ABHD3: variants seen among roughly 807,000 people sequenced by gnomAD.
ABHD3 encodes abhydrolase domain containing 3, phospholipase.
A neutral mutation model predicts 48.8 loss-of-function variants in ABHD3; 46 were observed. The ratio of observed to expected loss-of-function variants is 0.94; its 90% CI spans 0.74 to 1.20. The LOEUF (loss-of-function observed/expected upper bound fraction) is 1.20. Ranked by LOEUF, ABHD3 falls within the 50% of genes most tolerant of loss-of-function variation. ABHD3 has a pLI of 0.00. For missense variants in ABHD3, 490 were observed against 497.8 expected, an observed-to-expected ratio of 0.98 and a Z score of 0.15; for synonymous variants, 192 against 183.7, an observed-to-expected ratio of 1.04 and a Z score of -0.36.
chr18:21,679,000 CAT>C (rs2039949886), intron 4 of ABHD3, among the ~76,000 whole-genome samples: 2 of 152,316 alleles, frequency 1.3e-5, no homozygotes, highest in South Asian at 4.1e-4. Context: ...ATATCTCTAA[CAT>C]TGCCACTCCT....
At position 21,657,109 on chromosome 18, in the gene ABHD3, T is replaced by C. The variant is rs1598508933; in HGVS notation, c.886A>G (p.Met296Val). Residue 296 changes from methionine (M) to valine (V), a missense_variant, in exon 7 of 9, where the codon ATG becomes GTG. Transcript: ENST00000289119. ...ACATAAAGTTTCTCTCCTACCTTCATGACATGATCCATATCAACTTGTTTT... is the reference window on the plus strand; with the variant it reads ...ACATAAAGTTTCTCTCCTACCTTCACGACATGATCCATATCAACTTGTTTT... ...FVKQVDMDHVMKAKSIREFDK... is the reference protein window; with the variant it reads ...FVKQVDMDHVVKAKSIREFDK... 1 of 1,613,542 alleles carries C rather than the reference T, an allele frequency of 6.2e-7. No individual in the cohort carries two copies. The highest frequency in any genetic ancestry group is 1.3e-5 in the African/African-American group (1 of 74,896).
intron 2 of ABHD3, 90 bp from the exon 3 acceptor site, chr18:21,702,588 T>A: frequency 9.3e-6 from 11 of 1,180,162 alleles, no homozygotes; most frequent in Non-Finnish European, 1.3e-5. Flanking sequence ...TATTTGCTCA[T>A]CAAAAAATAA....
intron 3 of ABHD3, among the ~76,000 whole-genome samples, chr18:21,690,208 C>A (rs999848171): frequency 2.6e-5 from 4 of 151,602 alleles, no homozygotes; most frequent in South Asian, 2.1e-4. Flanking sequence ...ATAAAAAATT[C>A]ACTGGATTTG....
intron 5 of ABHD3, among the ~76,000 whole-genome samples, chr18:21,663,466 A>G (rs1598517371): frequency 2.0e-5 from 3 of 151,870 alleles, no homozygotes; most frequent in Admixed American, 2.0e-4. Flanking sequence ...GAACAACCAA[A>G]AAAAAAAACC....
chr18:21,676,135 T>C (rs1158755819), intron 4 of ABHD3, among the ~76,000 whole-genome samples: 2 of 152,116 alleles, frequency 1.3e-5, no homozygotes, highest in Non-Finnish European at 2.9e-5. Flanking sequence ...GGCTTCAACA[T>C]ATGAATGCTG....
intron 3 of ABHD3, among the ~76,000 whole-genome samples, chr18:21,698,646 G>T (rs1568164656): frequency 6.7e-6 from 1 of 149,928 alleles, no homozygotes; most frequent in African/African-American, 2.5e-5. Context: ...CAACCATCTC[G>T]GCCCACTGCA....
intron 5 of ABHD3, among the ~76,000 whole-genome samples, chr18:21,659,759 C>A (rs576616808): frequency 6.6e-6 from 1 of 151,982 alleles, no homozygotes; most frequent in Admixed American, 6.6e-5. Flanking sequence ...ACCTCCACCC[C>A]CCTGGTTCAA....
At chr18:21,699,356 G>A (rs771336956) in intron 3 of ABHD3, among the ~76,000 whole-genome samples, 2 of 152,136 alleles carry the variant, frequency 1.3e-5, no homozygotes, top group African/African-American at 2.4e-5. Flanking sequence ...AACACATTCC[G>A]TCATATTACA....
intron 5 of ABHD3, among the ~76,000 whole-genome samples, chr18:21,661,267 ATAG>A (rs759333935): frequency 1.3e-5 from 2 of 152,166 alleles, no homozygotes; most frequent in Non-Finnish European, 2.9e-5. Flanking sequence ...ATACTGTATG[ATAG>A]TTTGAAATTA....
chr18:21,693,880 T>G (rs1390014105), intron 3 of ABHD3, among the ~76,000 whole-genome samples: 2 of 152,164 alleles, frequency 1.3e-5, no homozygotes, highest in East Asian at 3.9e-4. Flanking sequence ...GAAAGCGTGG[T>G]CAGAACTAAC....
intron 4 of ABHD3, among the ~76,000 whole-genome samples, chr18:21,666,083 G>T (rs1477562748): frequency 1.3e-5 from 2 of 151,844 alleles, no homozygotes; most frequent in African/African-American, 4.8e-5. Context: ...CCAGGCTGGG[G>T]TGCAGTGGCA....
chr18:21,674,799 A>G (rs966866944), intron 4 of ABHD3, among the ~76,000 whole-genome samples: 4 of 152,110 alleles, frequency 2.6e-5, no homozygotes, highest in Non-Finnish European at 5.9e-5. Context: ...CTGAAGGTAG[A>G]AGTTTGAAAC....
chr18:21,683,099 CTTAT>C (rs1209441260), intron 4 of ABHD3: 5 of 152,568 alleles, frequency 3.3e-5, no homozygotes, highest in Non-Finnish European at 7.3e-5. Context: ...TCCAGCATGA[CTTAT>C]TTATAGTCTT....
chr18:21,669,705 A>T (rs916857488), intron 4 of ABHD3, among the ~76,000 whole-genome samples: 6 of 152,000 alleles, frequency 3.9e-5, no homozygotes, highest in Non-Finnish European at 8.8e-5. Context: ...CTAACTTCCC[A>T]TTTCCCTATA....
intron 1 of ABHD3, 38 bp from the exon 2 acceptor site, chr18:21,703,785 A>T: frequency 6.3e-7 from 1 of 1,591,712 alleles, no homozygotes; most frequent in Non-Finnish European, 8.6e-7. Flanking sequence ...GGCCCAGAGC[A>T]AAGTTTCTGC....
chr18:21,664,101 GA>G lies in ABHD3; in HGVS notation c.668+16del. 2 of 1,597,482 alleles carry G rather than the reference GA, an allele frequency of 1.3e-6. No individual in the cohort carries two copies. The highest frequency in any genetic ancestry group is 1.8e-5 in the Admixed American group (1 of 54,562). ...AGCTTCCCTCTCAGAGATTATTTTAGAAAGGGAAAACCTTACCCTCCCATTG... is the reference window on the plus strand; with the variant it reads ...AGCTTCCCTCTCAGAGATTATTTTAGAAGGGAAAACCTTACCCTCCCATTG... On this transcript the variant is annotated intron_variant, in intron 5 of 8. Coordinates refer to ENST00000289119, the MANE Select transcript of ABHD3 (RefSeq NM_138340.5).
chr18:21,692,066 T>C (rs562128975), intron 3 of ABHD3, among the ~76,000 whole-genome samples: 5 of 152,258 alleles, frequency 3.3e-5, no homozygotes, highest in African/African-American at 9.6e-5. Context: ...TCTTTTGCCT[T>C]AGCCTCCCAA....
intron 8 of ABHD3, among the ~76,000 whole-genome samples, chr18:21,652,334 A>C (rs1239535813): frequency 6.6e-6 from 1 of 152,130 alleles, no homozygotes; most frequent in East Asian, 1.9e-4. Context: ...CTTGAAAGAA[A>C]GAAAAGAAAG....
At chr18:21,692,962 G>A (rs963651899) in intron 3 of ABHD3, among the ~76,000 whole-genome samples, 1 of 152,198 alleles carries the variant, frequency 6.6e-6, no homozygotes, top group Non-Finnish European at 1.5e-5. Flanking sequence ...CAAACTCAGA[G>A]ACATGGATTA....
Sources: gnomAD v4.1 joint callset for allele counts (sites outside exome capture counted in the v4.1 genomes callset) on GRCh38, gnomAD v4.1.1 for gene constraint, MANE v1.5 for transcripts, NCBI Gene and HGNC (gene_info 2026-07-23, HGNC 2026-07-21) for gene names.